Variants in HS3ST4 observed in about 807,000 individuals in gnomAD.
The protein encoded by HS3ST4 is heparan sulfate-glucosamine 3-sulfotransferase 4, also known as heparan sulfate glucosamine 3-O-sulfotransferase 4.
In HS3ST4, 17 loss-of-function variants were observed where a neutral mutation model predicts 29.2. The ratio of observed to expected loss-of-function variants is 0.58; its 90% CI spans 0.40 to 0.87. The LOEUF (loss-of-function observed/expected upper bound fraction) is 0.87. Ranked by LOEUF, HS3ST4 falls within the 40% of genes least tolerant of loss-of-function variation. The probability of loss-of-function intolerance (pLI) is 0.00; values close to 1 mark genes in which losing one functional copy is unlikely to be tolerated. For missense variants in HS3ST4, 627 were observed against 634.5 expected (o/e 0.99, Z 0.13); for synonymous variants, 314 against 285.7 (o/e 1.10, Z -1.00).
At chr16:25,971,574 T>C (rs1289900662) in intron 1 of HS3ST4, among the ~76,000 whole-genome samples, 2 of 152,182 alleles carry the variant, frequency 1.3e-5, no homozygotes, top group Admixed American at 1.3e-4. Flanking sequence ...GAGAAAACTA[T>C]TCATTCATCA....
intron 1 of HS3ST4, among the ~76,000 whole-genome samples, chr16:25,813,752 A>G (rs543530409): frequency 3.9e-4 from 59 of 152,344 alleles, no homozygotes; most frequent in African/African-American, 1.4e-3. Flanking sequence ...GAAAAATGTA[A>G]TCATGTGTCC....
intron 1 of HS3ST4, among the ~76,000 whole-genome samples, chr16:25,996,032 G>A (rs1346047515): frequency 6.7e-6 from 1 of 149,454 alleles, no homozygotes; most frequent in Non-Finnish European, 1.5e-5. Flanking sequence ...AGCATTTGTA[G>A]ATAAGATGGA....
At chr16:26,015,207 C>T (rs1009460171) in intron 1 of HS3ST4, among the ~76,000 whole-genome samples, 10 of 152,144 alleles carry the variant, frequency 6.6e-5, no homozygotes, top group South Asian at 2.1e-4. Context: ...TCTGCAAATT[C>T]GGGAGCTCAC....
intron 1 of HS3ST4, among the ~76,000 whole-genome samples, chr16:26,086,871 A>G (rs1898795877): frequency 6.6e-6 from 1 of 151,924 alleles, no homozygotes; most frequent in African/African-American, 2.4e-5. Flanking sequence ...CCTGATCTTG[A>G]TTTTGTTGCA....
At chr16:25,751,524 C>A (rs1257834583) in intron 1 of HS3ST4, among the ~76,000 whole-genome samples, 1 of 152,188 alleles carries the variant, frequency 6.6e-6, no homozygotes, top group Non-Finnish European at 1.5e-5. Flanking sequence ...TAAATAATTA[C>A]AAAGCACTCA....
chr16:25,959,037 A>G (rs1020188199), intron 1 of HS3ST4, among the ~76,000 whole-genome samples: 3 of 152,228 alleles, frequency 2.0e-5, no homozygotes, highest in Non-Finnish European at 4.4e-5. Flanking sequence ...GTTTAATCAT[A>G]AGGTCACCAC....
intron 1 of HS3ST4, among the ~76,000 whole-genome samples, chr16:25,769,145 A>T (rs1388345276): frequency 6.6e-6 from 1 of 152,198 alleles, no homozygotes; most frequent in Non-Finnish European, 1.5e-5. Context: ...TTCGCCAAGC[A>T]GGAGACAGCT....
At chr16:25,927,439 A>T (rs1356528049) in intron 1 of HS3ST4, among the ~76,000 whole-genome samples, 1 of 152,220 alleles carries the variant, frequency 6.6e-6, no homozygotes, top group East Asian at 1.9e-4. Context: ...AAAGGGACTA[A>T]CAATGTGAGC....
intron 1 of HS3ST4, among the ~76,000 whole-genome samples, chr16:26,114,076 C>G (rs1899170536): frequency 6.6e-6 from 1 of 152,132 alleles, no homozygotes; most frequent in African/African-American, 2.4e-5. Flanking sequence ...TTTGGAACAT[C>G]ACATGCAAAA....
chr16:25,722,679 C>G (rs1966505927), intron 1 of HS3ST4, among the ~76,000 whole-genome samples: 1 of 152,182 alleles, frequency 6.6e-6, no homozygotes. Context: ...GCATCACAGG[C>G]TCTGGAGCCA....
rs566295497 is a variant in HS3ST4, at chr16:25,906,533, C to T, written c.734+213382C>T. On this transcript the variant is annotated intron_variant, in intron 1 of 1. Transcript: ENST00000331351. The stretch of plus-strand genomic sequence containing the variant: ...TCCCTGCCCTCAAAAAGCTTATATT[C>T]CACTGAGGGAAGAAAGTCAATAAAA... Among the ~76,000 whole-genome samples the T allele has an allele frequency of 3.3e-5, 5 of 152,002 alleles. No individual in the cohort carries two copies. The South Asian group carries it at 8.3e-4, about 25-fold the overall frequency.
chr16:26,027,211 A>C (rs1969485256), intron 1 of HS3ST4, among the ~76,000 whole-genome samples: 2 of 152,230 alleles, frequency 1.3e-5, no homozygotes, highest in East Asian at 1.9e-4. Flanking sequence ...TGCTGTCAGG[A>C]AACTACAGAT....
chr16:26,085,087 TC>T (rs1284170554), intron 1 of HS3ST4, among the ~76,000 whole-genome samples: 1 of 152,342 alleles, frequency 6.6e-6, no homozygotes, highest in African/African-American at 2.4e-5. Context: ...AAGTCATGTC[TC>T]TACTGGCCTT....
intron 1 of HS3ST4, among the ~76,000 whole-genome samples, chr16:25,947,226 C>T (rs999530248): frequency 1.3e-5 from 2 of 152,116 alleles, no homozygotes; most frequent in Non-Finnish European, 2.9e-5. Flanking sequence ...AATTGAAAAA[C>T]TTCAACATTG....
rs566745526 is a variant in HS3ST4, at chr16:26,122,946, C to T, written c.735-12666C>T. On this transcript the variant is annotated intron_variant, in intron 1 of 1. Transcript: ENST00000331351. ...GCGGGCGCTTGTAATTCCAGCTACT[C>T]GGGAGGCTAAGGCAGGAGAATTGCT... Among the ~76,000 whole-genome samples, 471 of 151,620 alleles carry T rather than the reference C, an allele frequency of 3.1e-3. 3 individuals are homozygous for T. The highest frequency in any genetic ancestry group is 0.02 in the Middle Eastern group (6 of 294).
At chr16:25,887,810 G>A (rs1967970164) in intron 1 of HS3ST4, among the ~76,000 whole-genome samples, 1 of 146,678 alleles carries the variant, frequency 6.8e-6, no homozygotes, top group Non-Finnish European at 1.5e-5. Flanking sequence ...CCATTCTCCT[G>A]CCTCAGCCTC....
At chr16:25,840,874 G>A (rs773699067) in intron 1 of HS3ST4, among the ~76,000 whole-genome samples, 2 of 152,024 alleles carry the variant, frequency 1.3e-5, no homozygotes, top group Non-Finnish European at 2.9e-5. Flanking sequence ...CCAATCCATG[G>A]GCCATCTGTG....
intron 1 of HS3ST4, among the ~76,000 whole-genome samples, chr16:25,784,415 CCAAA>C (rs1410580709): frequency 6.6e-6 from 1 of 152,160 alleles, no homozygotes; most frequent in Non-Finnish European, 1.5e-5. Context: ...ACCTCTTGCA[CCAAA>C]CAATTAACCA....
intron 1 of HS3ST4, among the ~76,000 whole-genome samples, chr16:25,955,817 C>CT (rs67504831): frequency 0.45 from 63,941 of 141,962 alleles, 14,603 homozygotes; most frequent in African/African-American, 0.53. Flanking sequence ...GTGATGTATA[C>CT]TTTTTTTTTT....
Sources: allele counts gnomAD v4.1 joint callset (sites outside exome capture counted in the v4.1 genomes callset), GRCh38; gene constraint gnomAD v4.1.1; transcripts MANE v1.5; gene names NCBI Gene and HGNC (gene_info 2026-07-23, HGNC 2026-07-21).